Variants in SGCZ observed in about 807,000 individuals in gnomAD.
SGCZ encodes sarcoglycan zeta.
In SGCZ, 40 loss-of-function variants were observed where a neutral mutation model predicts 41.3. The ratio of observed to expected loss-of-function variants is 0.97; its 90% CI spans 0.75 to 1.26. SGCZ has a LOEUF of 1.26. Ranked by LOEUF, SGCZ falls within the 50% of genes most tolerant of loss-of-function variation. The pLI is 0.00. For missense variants in SGCZ, 552 were observed against 369.8 expected, an observed-to-expected ratio of 1.49 and a Z score of -4.04; for synonymous variants, 206 against 137.5, an observed-to-expected ratio of 1.50 and a Z score of -3.49.
chr8:15,012,575 AT>A (rs1201199340), intron 1 of SGCZ, among the ~76,000 whole-genome samples: 1 of 103,408 alleles, frequency 9.7e-6, no homozygotes, highest in Non-Finnish European at 2.2e-5. Flanking sequence ...ATAAATATAT[AT>A]TTATATAACA....
intron 1 of SGCZ, among the ~76,000 whole-genome samples, chr8:14,770,768 C>A (rs1039811845): frequency 1.3e-5 from 2 of 151,930 alleles, no homozygotes; most frequent in African/African-American, 4.8e-5. Flanking sequence ...GTGATTGAGA[C>A]AAACACATAA....
chr8:14,401,939 T>A (rs1799088446), intron 2 of SGCZ, among the ~76,000 whole-genome samples: 1 of 151,376 alleles, frequency 6.6e-6, no homozygotes. Flanking sequence ...CCACAACCTC[T>A]CCAGCACCTG....
chr8:14,297,222 C>A (rs1160845066), intron 3 of SGCZ, among the ~76,000 whole-genome samples: 4 of 151,642 alleles, frequency 2.6e-5, no homozygotes, highest in African/African-American at 9.7e-5. Context: ...TGCACTCGGC[C>A]CTGAATATTT....
chr8:14,252,444 A>G (rs987972347), intron 3 of SGCZ, among the ~76,000 whole-genome samples: 3 of 152,136 alleles, frequency 2.0e-5, no homozygotes, highest in African/African-American at 4.8e-5. Flanking sequence ...GAAAATTTCA[A>G]TTACTGAAGT....
intron 3 of SGCZ, among the ~76,000 whole-genome samples, chr8:14,300,409 A>T (rs533977146): frequency 6.6e-6 from 1 of 151,576 alleles, no homozygotes; most frequent in African/African-American, 2.4e-5. Flanking sequence ...GAATTTAGGT[A>T]GGTAAAGAGA....
At chr8:14,366,436 C>G (rs1404763463) in intron 2 of SGCZ, among the ~76,000 whole-genome samples, 1 of 152,136 alleles carries the variant, frequency 6.6e-6, no homozygotes, top group African/African-American at 2.4e-5. Flanking sequence ...CCTGGATTAT[C>G]CAATCACTTC....
At chr8:14,519,856 CTT>C (rs1802738305) in intron 2 of SGCZ, among the ~76,000 whole-genome samples, 1 of 152,066 alleles carries the variant, frequency 6.6e-6, no homozygotes, top group African/African-American at 2.4e-5. Flanking sequence ...GTGTTTTGTG[CTT>C]CTACTTGTGT....
At chr8:14,663,464 T>C (rs1032597989) in intron 1 of SGCZ, among the ~76,000 whole-genome samples, 2 of 152,128 alleles carry the variant, frequency 1.3e-5, no homozygotes, top group Admixed American at 1.3e-4. Context: ...CTATTATAAT[T>C]TAAGCTCCAC....
intron 4 of SGCZ, among the ~76,000 whole-genome samples, chr8:14,212,548 A>G (rs1465785000): frequency 1.5e-4 from 22 of 151,680 alleles, no homozygotes; most frequent in Admixed American, 1.4e-3. Flanking sequence ...AAAGTAGGCC[A>G]TAGCCTACAC....
At chr8:14,414,939 G>T (rs1799455376) in intron 2 of SGCZ, among the ~76,000 whole-genome samples, 2 of 151,860 alleles carry the variant, frequency 1.3e-5, no homozygotes, top group African/African-American at 4.8e-5. Context: ...TTAAAATTAG[G>T]AAGGCACTTC....
intron 1 of SGCZ, among the ~76,000 whole-genome samples, chr8:14,917,238 G>A (rs773740224): frequency 1.3e-5 from 2 of 152,078 alleles, no homozygotes; most frequent in Admixed American, 1.3e-4. Context: ...ATTTTATACA[G>A]TGTTCTATGG....
chr8:14,808,141 T>C (rs1009316622), intron 1 of SGCZ, among the ~76,000 whole-genome samples: 1 of 152,174 alleles, frequency 6.6e-6, no homozygotes, highest in East Asian at 1.9e-4. Context: ...GAAGATAACC[T>C]AGGTAATACC....
At chr8:14,972,693 A>G (rs897368240) in intron 1 of SGCZ, among the ~76,000 whole-genome samples, 2 of 152,084 alleles carry the variant, frequency 1.3e-5, no homozygotes, top group African/African-American at 4.8e-5. Flanking sequence ...TCTAAAGTTT[A>G]TGTTATTCAT....
chr8:14,532,960 T>C (rs992584276), intron 2 of SGCZ, among the ~76,000 whole-genome samples: 2 of 151,968 alleles, frequency 1.3e-5, no homozygotes, highest in Non-Finnish European at 2.9e-5. Flanking sequence ...GCAGACCAAA[T>C]ACATTTTTCC....
chr8:14,800,330 C>T (rs1321128032), intron 1 of SGCZ, among the ~76,000 whole-genome samples: 2 of 152,050 alleles, frequency 1.3e-5, no homozygotes, highest in Non-Finnish European at 2.9e-5. Flanking sequence ...CCTGTTGTAC[C>T]TCATACTATA....
chr8:14,643,982 CAATTCT>C (rs771434355), intron 1 of SGCZ, among the ~76,000 whole-genome samples: 12,720 of 147,928 alleles, frequency 0.086, 1,177 homozygotes, highest in East Asian at 0.53. Flanking sequence ...CAATTCTGTA[CAATTCT>C]TAAAAATATA....
At chr8:15,175,525 G>A (rs1799970268) in intron 1 of SGCZ, among the ~76,000 whole-genome samples, 1 of 152,010 alleles carries the variant, frequency 6.6e-6, no homozygotes, top group African/African-American at 2.4e-5. Context: ...ACACACACTG[G>A]GGCCTGTTGG....
In SGCZ at chr8:14,944,782, C is replaced by G. The variant is rs866717078; in HGVS notation, c.39+292803G>C. ...TCAACTTAAGATGGGTTTATTGAGA[C>G]TTGACCCCATTTTAAGTCAAGGAGT... On this transcript the variant is annotated intron_variant, in intron 1 of 7. Coordinates refer to ENST00000382080, the MANE Select transcript of SGCZ (RefSeq NM_139167.4). Among the ~76,000 whole-genome samples, 5 of 152,242 alleles carry G rather than the reference C, an allele frequency of 3.3e-5. No homozygotes were observed. In the South Asian group the frequency reaches 1.0e-3, roughly 32 times the overall value.
rs118081845 is a variant in SGCZ, at chr8:14,642,387, T to C, written c.40-87461A>G. On this transcript the variant is annotated intron_variant, in intron 1 of 7. Coordinates refer to ENST00000382080, the MANE Select transcript of SGCZ (RefSeq NM_139167.4). ...AAGAGATGGTCACACCCATTTTTAATATCTATAGACAAATCTCTTTCCTTA... is the reference window on the plus strand; with the variant it reads ...AAGAGATGGTCACACCCATTTTTAACATCTATAGACAAATCTCTTTCCTTA... Among the ~76,000 whole-genome samples, 44 of 151,778 alleles carry C rather than the reference T, an allele frequency of 2.9e-4. No homozygotes were observed. In the East Asian group the frequency reaches 7.6e-3, roughly 26 times the overall value.
Sources: gnomAD v4.1 joint callset for allele counts (sites outside exome capture counted in the v4.1 genomes callset) on GRCh38, gnomAD v4.1.1 for gene constraint, MANE v1.5 for transcripts, NCBI Gene and HGNC (gene_info 2026-07-23, HGNC 2026-07-21) for gene names.